The following SEMA3E variants were observed in gnomAD, a reference collection of about 807,000 sequenced individuals.
SEMA3E encodes the protein semaphorin 3E.
SEMA3E carries 49 observed loss-of-function variants against 93.6 expected under a neutral mutation model. The ratio of observed to expected loss-of-function variants is 0.52; its 90% CI spans 0.42 to 0.66. The LOEUF (loss-of-function observed/expected upper bound fraction) is 0.66. Among genes scored for constraint, SEMA3E ranks in the 30% least tolerant of loss-of-function variants. SEMA3E has a pLI of 0.00. For missense variants in SEMA3E, 906 were observed against 964.8 expected (o/e 0.94, Z 0.81); for synonymous variants, 363 against 330.7 (o/e 1.10, Z -1.06).
intron 5 of SEMA3E, 69 bp from the exon 6 acceptor site, chr7:83,408,556 A>G: frequency 1.4e-6 from 2 of 1,460,460 alleles, no homozygotes; most frequent in East Asian, 4.7e-5. Context: ...ACACATCCAA[A>G]TTTAATATGT....
At chr7:83,510,081 T>C (rs1198753286) in intron 1 of SEMA3E, among the ~76,000 whole-genome samples, 1 of 147,970 alleles carries the variant, frequency 6.8e-6, no homozygotes, top group African/African-American at 2.7e-5. Context: ...ATAATGGATG[T>C]AAAAATGTTG....
rs1562857056 is a variant in SEMA3E at position 83,617,550 on chromosome 7, T to TTTTATATAAATTTTATATAAGTAATATAA, written c.115+30877_115+30878insTTATATTACTTATATAAAATTTATATAAA. ...ATATAAATTTTATATAAGTAATATA[T>TTTTATATAAATTTTATATAAGTAATATAA]AATTTTATATAAATTTTATATAAGT... On this transcript the variant is annotated intron_variant, in intron 1 of 16. Transcript: ENST00000643230. Among the ~76,000 whole-genome samples the TTTTATATAAATTTTATATAAGTAATATAA allele has an allele frequency of 1.4e-3, 172 of 125,710 alleles. 10 individuals are homozygous for TTTTATATAAATTTTATATAAGTAATATAA. Among genetic ancestry groups the TTTTATATAAATTTTATATAAGTAATATAA allele is most frequent in the Admixed American group, 3.9e-3 (48 of 12,216 alleles). The allele number at this position is 125,710 out of a possible 152,430, so 82.5% of individuals were successfully genotyped here.
intron 1 of SEMA3E, among the ~76,000 whole-genome samples, chr7:83,596,652 G>A (rs976743186): frequency 6.6e-6 from 1 of 151,960 alleles, no homozygotes; most frequent in Non-Finnish European, 1.5e-5. Flanking sequence ...CTTAGCAGAT[G>A]TTGCTTACCA....
chr7:83,497,669 A>C (rs1790515174), intron 1 of SEMA3E, among the ~76,000 whole-genome samples: 1 of 152,212 alleles, frequency 6.6e-6, no homozygotes, highest in African/African-American at 2.4e-5. Context: ...ATAAGCAATT[A>C]ACTTTTTAAA....
At chr7:83,471,479 G>A (rs752802179) in intron 2 of SEMA3E, among the ~76,000 whole-genome samples, 42 of 152,038 alleles carry the variant, frequency 2.8e-4, no homozygotes, top group Non-Finnish European at 4.9e-4. Context: ...TTGGCAGGTC[G>A]GGTAAATGCC....
At chr7:83,554,456 T>A (rs1482292537) in intron 1 of SEMA3E, among the ~76,000 whole-genome samples, 1 of 152,112 alleles carries the variant, frequency 6.6e-6, no homozygotes, top group Non-Finnish European at 1.5e-5. Flanking sequence ...GATTTCTACA[T>A]AGAGCTAAGA....
chr7:83,626,183 T>G (rs575272555), intron 1 of SEMA3E, among the ~76,000 whole-genome samples: 1 of 152,300 alleles, frequency 6.6e-6, no homozygotes, highest in South Asian at 2.1e-4. Context: ...TGTGTGTGTC[T>G]CTTCCAGGTT....
chr7:83,648,854 C>T lies in SEMA3E; in HGVS notation c.-312G>A. 1 of 248,062 alleles carries T rather than the reference C, an allele frequency of 4.0e-6. No homozygotes were observed. The highest frequency in any genetic ancestry group is 8.6e-5 in the East Asian group (1 of 11,594). The allele number at this position is 248,062 out of a possible 1,614,324, so 15.4% of individuals were successfully genotyped here. A position where few individuals can be genotyped will look rare whatever the true frequency, so the allele number is the denominator to read the frequency against. On this transcript the variant is annotated 5_prime_UTR_variant, in exon 1 of 17. Transcript: ENST00000643230. ...AGATTCAGGAAGAAGCTGTATTTTT[C>T]AGTCACTTGGGCAAAGCTGTTCATT...
chr7:83,412,549 C>T (rs1236355636), intron 5 of SEMA3E, among the ~76,000 whole-genome samples: 1 of 151,930 alleles, frequency 6.6e-6, no homozygotes, highest in African/African-American at 2.4e-5. Flanking sequence ...TGTTCAAGAT[C>T]AGCCTGGGCA....
rs187141888 is a variant in SEMA3E, at chr7:83,644,717, T to C, written c.115+3711A>G. Among the ~76,000 whole-genome samples the C allele has an allele frequency of 3.3e-5, 5 of 152,118 alleles. No homozygotes were observed. The East Asian group carries it at 7.7e-4, about 24-fold the overall frequency. Reference sequence around the variant, plus strand: ...AAATCCTGAGCTCTCTGAACTATGATAAATCTGTATTTAATTGATTATAAT... The same window carrying C: ...AAATCCTGAGCTCTCTGAACTATGACAAATCTGTATTTAATTGATTATAAT... On this transcript the variant is annotated intron_variant, in intron 1 of 16. Coordinates refer to ENST00000643230, the MANE Select transcript of SEMA3E (RefSeq NM_012431.3).
intron 11 of SEMA3E, among the ~76,000 whole-genome samples, chr7:83,399,718 T>G (rs1213592232): frequency 6.6e-6 from 1 of 152,170 alleles, no homozygotes; most frequent in Admixed American, 6.5e-5. Flanking sequence ...AATTTTGTGC[T>G]ATGCAAGCCC....
chr7:83,439,320 G>A (rs1014298738), intron 4 of SEMA3E, among the ~76,000 whole-genome samples: 1 of 152,154 alleles, frequency 6.6e-6, no homozygotes, highest in Non-Finnish European at 1.5e-5. Flanking sequence ...GGACAGCTGC[G>A]AGGGAAAGGA....
intron 1 of SEMA3E, among the ~76,000 whole-genome samples, chr7:83,595,908 A>G (rs1001727131): frequency 1.3e-5 from 2 of 152,212 alleles, no homozygotes; most frequent in South Asian, 2.1e-4. Flanking sequence ...ATTTATGACT[A>G]TGAAAATATT....
At chr7:83,404,168 A>G (rs1788284176) in intron 9 of SEMA3E, among the ~76,000 whole-genome samples, 1 of 151,984 alleles carries the variant, frequency 6.6e-6, no homozygotes, top group Admixed American at 6.6e-5. Context: ...ATGCGCTGTG[A>G]TAACTACCAA....
At chr7:83,372,331 T>C (rs1794760674) in intron 16 of SEMA3E, 1 of 397,874 alleles carries the variant, frequency 2.5e-6, no homozygotes, top group Non-Finnish European at 4.4e-6. Context: ...GAATATGATC[T>C]TTTGTTGTCT....
At chr7:83,615,517 G>A (rs1793346189) in intron 1 of SEMA3E, among the ~76,000 whole-genome samples, 1 of 152,072 alleles carries the variant, frequency 6.6e-6, no homozygotes, top group South Asian at 2.1e-4. Flanking sequence ...GGGTCCCCTA[G>A]AAGCTGGCTG....
At chr7:83,513,650 T>A (rs1790870665) in intron 1 of SEMA3E, among the ~76,000 whole-genome samples, 1 of 152,158 alleles carries the variant, frequency 6.6e-6, no homozygotes, top group South Asian at 2.1e-4. Context: ...CATACAAACA[T>A]ATGCACATGC....
intron 1 of SEMA3E, among the ~76,000 whole-genome samples, chr7:83,516,358 G>A (rs1790928728): frequency 6.6e-6 from 1 of 152,062 alleles, no homozygotes; most frequent in Non-Finnish European, 1.5e-5. Flanking sequence ...AAGGTACAAA[G>A]ACAATGTAAA....
intron 1 of SEMA3E, among the ~76,000 whole-genome samples, chr7:83,500,220 A>G (rs537758396): frequency 6.6e-6 from 1 of 152,194 alleles, no homozygotes; most frequent in South Asian, 2.1e-4. Flanking sequence ...GGTGGATCAC[A>G]AGGTCAGGAG....
Sources: allele counts gnomAD v4.1 joint callset (sites outside exome capture counted in the v4.1 genomes callset), GRCh38; gene constraint gnomAD v4.1.1; transcripts MANE v1.5; gene names NCBI Gene and HGNC (gene_info 2026-07-23, HGNC 2026-07-21).